The following SPIDR variants were observed in gnomAD, a reference collection of about 807,000 sequenced individuals.
The protein encoded by SPIDR is DNA repair-scaffolding protein.
SPIDR carries 93 observed loss-of-function variants against 104.6 expected under a neutral mutation model. That is an observed-to-expected ratio of 0.89 (90% CI 0.75 to 1.06). The LOEUF is 1.06. Among genes scored for constraint, SPIDR ranks in the 50% least tolerant of loss-of-function variants. The pLI is 0.00. For synonymous variants in SPIDR, 431 were observed against 416.9 expected, an observed-to-expected ratio of 1.03 and a Z score of -0.41; for missense variants, 1,154 against 1,111.2, an observed-to-expected ratio of 1.04 and a Z score of -0.55.
intron 10 of SPIDR, among the ~76,000 whole-genome samples, chr8:47,618,649 T>C (rs559499201): frequency 1.3e-5 from 2 of 152,342 alleles, no homozygotes; most frequent in Admixed American, 6.5e-5. Context: ...TATAATTGTT[T>C]TATATAATTA....
chr8:47,686,004 G>A (rs139539200), intron 11 of SPIDR, among the ~76,000 whole-genome samples: 4 of 152,156 alleles, frequency 2.6e-5, no homozygotes, highest in African/African-American at 4.8e-5. Flanking sequence ...CAAGGAAAGG[G>A]AGGGAGGGAA....
chr8:47,725,580 C>T (rs746960638), intron 16 of SPIDR, among the ~76,000 whole-genome samples: 2 of 152,066 alleles, frequency 1.3e-5, no homozygotes, highest in African/African-American at 4.8e-5. Context: ...TCAGTAGAGA[C>T]GGAGTTTCAC....
At chr8:47,312,915 G>T (rs2044494988) in intron 5 of SPIDR, among the ~76,000 whole-genome samples, 2 of 152,094 alleles carry the variant, frequency 1.3e-5, no homozygotes, top group Admixed American at 1.3e-4. Context: ...GTAAGGAAGG[G>T]ATCCAGTTTC....
chr8:47,403,754 T>C (rs2062274463), intron 6 of SPIDR, among the ~76,000 whole-genome samples: 1 of 152,216 alleles, frequency 6.6e-6, no homozygotes, highest in Admixed American at 6.5e-5. Flanking sequence ...GAAGAATCAA[T>C]ATTGGGAAAA....
chr8:47,650,477 C>T (rs896682840), intron 10 of SPIDR, among the ~76,000 whole-genome samples: 1 of 152,140 alleles, frequency 6.6e-6, no homozygotes. Flanking sequence ...GTAAGCACGT[C>T]TCGTCTCATC....
chr8:47,408,098 A>G, intron 7 of SPIDR, 137 bp downstream of exon 7: 1 of 455,112 alleles, frequency 2.2e-6, no homozygotes, highest in Non-Finnish European at 3.9e-6. Flanking sequence ...TCTAATTTTA[A>G]CATATAAAAA....
intron 5 of SPIDR, among the ~76,000 whole-genome samples, chr8:47,348,322 T>TAC (rs2052618472): frequency 1.3e-5 from 2 of 152,230 alleles, no homozygotes; most frequent in Admixed American, 6.5e-5. Context: ...TATCCTCTGT[T>TAC]AGTCTGATGG....
chr8:47,309,856 G>A (rs2043800748), intron 5 of SPIDR, among the ~76,000 whole-genome samples: 2 of 151,300 alleles, frequency 1.3e-5, no homozygotes, highest in African/African-American at 4.9e-5. Flanking sequence ...GGCTAACACA[G>A]TGAAACCCTG....
intron 5 of SPIDR, among the ~76,000 whole-genome samples, chr8:47,368,567 C>T (rs952739124): frequency 5.3e-5 from 8 of 151,982 alleles, no homozygotes; most frequent in African/African-American, 9.7e-5. Flanking sequence ...CATGTATGGG[C>T]ATGTTTTTCA....
chr8:47,334,189 G>C (rs2049278282), intron 5 of SPIDR, among the ~76,000 whole-genome samples: 1 of 152,124 alleles, frequency 6.6e-6, no homozygotes, highest in Non-Finnish European at 1.5e-5. Context: ...TTATGGCCTA[G>C]AATGTTATCT....
intron 11 of SPIDR, among the ~76,000 whole-genome samples, chr8:47,678,931 G>A (rs1335481787): frequency 6.6e-6 from 1 of 152,200 alleles, no homozygotes; most frequent in African/African-American, 2.4e-5. Flanking sequence ...AGTCAGGATA[G>A]AAAGTTCCTT....
intron 5 of SPIDR, among the ~76,000 whole-genome samples, chr8:47,381,471 G>A (rs1255859702): frequency 6.6e-6 from 1 of 152,198 alleles, no homozygotes; most frequent in Non-Finnish European, 1.5e-5. Context: ...CTTCTAGGCA[G>A]CCAGGGCCTT....
At chr8:47,565,380 C>A (rs1444828507) in intron 8 of SPIDR, among the ~76,000 whole-genome samples, 1 of 152,092 alleles carries the variant, frequency 6.6e-6, no homozygotes, top group African/African-American at 2.4e-5. Flanking sequence ...ACACTGAGTT[C>A]TAAAGTATAT....
intron 8 of SPIDR, among the ~76,000 whole-genome samples, chr8:47,468,464 C>T (rs1277841426): frequency 6.6e-6 from 1 of 152,160 alleles, no homozygotes; most frequent in Non-Finnish European, 1.5e-5. Flanking sequence ...TACAACAGGG[C>T]TGCAGTAACA....
intron 8 of SPIDR, among the ~76,000 whole-genome samples, chr8:47,468,595 CA>C (rs1450647445): frequency 6.6e-6 from 1 of 152,100 alleles, no homozygotes; most frequent in East Asian, 1.9e-4. Context: ...CAAAAACAAG[CA>C]ATAGGAAAAG....
intron 11 of SPIDR, among the ~76,000 whole-genome samples, chr8:47,694,540 A>G (rs1316685941): frequency 6.6e-6 from 1 of 152,234 alleles, no homozygotes; most frequent in Admixed American, 6.5e-5. Flanking sequence ...AGGCCAAGGC[A>G]GGAGGATCAC....
At chr8:47,550,847 G>C (rs569659332) in intron 8 of SPIDR, among the ~76,000 whole-genome samples, 1 of 148,672 alleles carries the variant, frequency 6.7e-6, no homozygotes, top group Non-Finnish European at 1.5e-5. Context: ...GTCTTGTGCC[G>C]GTTTTCAAAA....
intron 8 of SPIDR, among the ~76,000 whole-genome samples, chr8:47,579,912 G>GT (rs1156928071): frequency 2.6e-5 from 4 of 152,172 alleles, no homozygotes; most frequent in African/African-American, 9.7e-5. Context: ...AGATGGTCTG[G>GT]TATCTTGGAA....
intron 16 of SPIDR, among the ~76,000 whole-genome samples, chr8:47,720,011 T>G (rs1317276020): frequency 1.3e-5 from 2 of 152,230 alleles, no homozygotes; most frequent in Non-Finnish European, 2.9e-5. Flanking sequence ...GCTCTGGCTC[T>G]TCATCCCTCC....
Sources: allele counts gnomAD v4.1 joint callset (sites outside exome capture counted in the v4.1 genomes callset), GRCh38; gene constraint gnomAD v4.1.1; transcripts MANE v1.5; gene names NCBI Gene and HGNC (gene_info 2026-07-23, HGNC 2026-07-21).